UXS1: variants seen among roughly 807,000 people sequenced by gnomAD.
The protein encoded by UXS1 is UDP-glucuronate decarboxylase 1.
UXS1 carries 33 observed loss-of-function variants against 62.6 expected under a neutral mutation model. That is an observed-to-expected ratio of 0.53 (90% CI 0.40 to 0.70). The LOEUF (loss-of-function observed/expected upper bound fraction) is 0.70. Among genes scored for constraint, UXS1 ranks in the 30% least tolerant of loss-of-function variants. The pLI is 0.00. For synonymous variants in UXS1, 213 were observed against 206.8 expected (o/e 1.03, Z -0.26); for missense variants, 434 against 556.3 (o/e 0.78, Z 2.21).
chr2:106,144,470 G>A (rs1681393813), intron 6 of UXS1, among the ~76,000 whole-genome samples: 1 of 152,008 alleles, frequency 6.6e-6, no homozygotes. Context: ...TGCCTTTGTG[G>A]GAAAAATGCT....
chr2:106,119,735 A>G (rs527382424), intron 9 of UXS1, among the ~76,000 whole-genome samples: 1 of 152,266 alleles, frequency 6.6e-6, no homozygotes, highest in African/African-American at 2.4e-5. Flanking sequence ...TAGAGGGCAG[A>G]CCCAATGTGG....
At chr2:106,097,444 C>A (rs1044305973) in intron 13 of UXS1, 2 of 345,550 alleles carry the variant, frequency 5.8e-6, no homozygotes, top group Non-Finnish European at 1.2e-5. Flanking sequence ...TCCCTGCCTC[C>A]GTGTCATGGA....
At chr2:106,157,062 A>G (rs1682491591) in intron 5 of UXS1, among the ~76,000 whole-genome samples, 1 of 152,212 alleles carries the variant, frequency 6.6e-6, no homozygotes, top group Admixed American at 6.5e-5. Flanking sequence ...TGGACAAAAA[A>G]CAGATTAGTG....
intron 10 of UXS1, among the ~76,000 whole-genome samples, chr2:106,107,517 A>C (rs749469001): frequency 3.3e-5 from 5 of 152,166 alleles, no homozygotes; most frequent in Non-Finnish European, 5.9e-5. Context: ...AAGCCCCCCG[A>C]CCGGGATGGG....
chr2:106,112,659 C>A lies in UXS1; in HGVS notation c.866G>T (p.Gly289Val). 1 of 1,613,940 alleles carries A rather than the reference C, an allele frequency of 6.2e-7. No homozygotes were observed. The highest frequency in any genetic ancestry group is 1.1e-5 in the South Asian group (1 of 91,066). Residue 289 changes from glycine to valine, a missense_variant, in exon 10 of 15, where the codon GGG (glycine) becomes GTG (valine). Physicochemically the swap from Gly to Val is moderately radical, Grantham distance 109. This residue lies in a region of UXS1 where 209 missense variants were observed against 233.3 expected (regional missense o/e 0.90). Coordinates refer to ENST00000283148, the MANE Select transcript of UXS1 (RefSeq NM_001253875.2). ...VSNFILQALQGEPLTVYGSGS... is the reference protein window; with the variant it reads ...VSNFILQALQVEPLTVYGSGS... ...GCCAGCACCTACCGTGAGTGGCTCC[C>A]CCTGGAGCGCCTGCAGGATGAAGTT...
chr2:106,180,447 T>C (rs1050901201), intron 1 of UXS1, among the ~76,000 whole-genome samples: 1 of 152,216 alleles, frequency 6.6e-6, no homozygotes, highest in Non-Finnish European at 1.5e-5. Context: ...AACTTAGGAT[T>C]TGGCTGCAAA....
intron 1 of UXS1, among the ~76,000 whole-genome samples, chr2:106,180,482 A>G (rs903947554): frequency 6.6e-6 from 1 of 152,226 alleles, no homozygotes; most frequent in African/African-American, 2.4e-5. Flanking sequence ...AAAGCTCTGC[A>G]ATAAGTATTT....
chr2:106,098,786 C>T lies in UXS1; in HGVS notation c.985-13G>A, dbSNP rs1558670846. On this transcript the variant is annotated splice_polypyrimidine_tract_variant and intron_variant, in intron 12 of 14. Transcript: ENST00000283148. ...CTTCTGGGTTCCCCTAAGAAAGAAA[C>T]GGTTTCCAGTTATAAGCGTCATGAC... 1.9e-5 allele frequency: 31 copies of T among 1,608,720 alleles called. No homozygotes were observed. Among genetic ancestry groups the T allele is most frequent in the East Asian group, 2.2e-5 (1 of 44,720 alleles).
At chr2:106,175,000 A>G (rs980411167) in intron 1 of UXS1, among the ~76,000 whole-genome samples, 1 of 152,118 alleles carries the variant, frequency 6.6e-6, no homozygotes, top group African/African-American at 2.4e-5. Flanking sequence ...CTAATCCCCC[A>G]TCCTCAATGC....
At chr2:106,185,839 G>A (rs79881917) in intron 1 of UXS1, among the ~76,000 whole-genome samples, 3,266 of 152,316 alleles carry the variant, frequency 0.021, 49 homozygotes, top group Admixed American at 0.052. Flanking sequence ...AGAGGCTGGA[G>A]CAGTGCAGGC....
Position 106,127,497 on chromosome 2 carries a change from T to C in UXS1, c.578-1818A>G, listed in dbSNP as rs189200460. ...CTATTTCTGTAGCACTTTCATGGAA[T>C]GACTCACGCAGGATCTACAGAGACA... On this transcript the variant is annotated intron_variant, in intron 7 of 14. Transcript: ENST00000283148. Among the ~76,000 whole-genome samples, 548 of 152,336 alleles carry C rather than the reference T, an allele frequency of 3.6e-3. 21 individuals are homozygous for C. Among genetic ancestry groups the C allele is most frequent in the Admixed American group, 0.032 (489 of 15,304 alleles).
intron 6 of UXS1, among the ~76,000 whole-genome samples, chr2:106,136,355 G>T (rs1394196600): frequency 1.3e-5 from 2 of 148,934 alleles, no homozygotes; most frequent in African/African-American, 5.0e-5. Context: ...TCAGTGTGGC[G>T]ATTCCTCAGG....
chr2:106,163,905 T>C (rs1414030342), intron 3 of UXS1, among the ~76,000 whole-genome samples, 195 bp from the exon 4 acceptor site: 1 of 152,204 alleles, frequency 6.6e-6, no homozygotes, highest in Non-Finnish European at 1.5e-5. Context: ...TTTGAACTCT[T>C]ACTCCATAAA....
chr2:106,184,632 C>A (rs1410042373), intron 1 of UXS1, among the ~76,000 whole-genome samples: 13 of 152,186 alleles, frequency 8.5e-5, no homozygotes, highest in Admixed American at 8.5e-4. Context: ...GAGGAATGAA[C>A]TCCCTTGGGC....
intron 13 of UXS1, chr2:106,097,317 G>T: frequency 2.4e-6 from 1 of 422,910 alleles, no homozygotes; most frequent in Non-Finnish European, 4.8e-6. Context: ...CCTCTCGGAG[G>T]ACGGCAAAGG....
At chr2:106,163,457 G>A (rs1370935534) in intron 4 of UXS1, among the ~76,000 whole-genome samples, 10 of 152,204 alleles carry the variant, frequency 6.6e-5, no homozygotes, top group African/African-American at 9.6e-5. Flanking sequence ...CAGAAATTCA[G>A]ACGTTCAGAG....
At chr2:106,185,970 G>A (rs1025961398) in intron 1 of UXS1, among the ~76,000 whole-genome samples, 4 of 152,058 alleles carry the variant, frequency 2.6e-5, no homozygotes, top group Non-Finnish European at 5.9e-5. Context: ...TTGTTTCAAA[G>A]GCACCTAATT....
chr2:106,178,862 C>A (rs1382421935), intron 1 of UXS1, among the ~76,000 whole-genome samples: 3 of 151,936 alleles, frequency 2.0e-5, no homozygotes, highest in Non-Finnish European at 4.4e-5. Context: ...CCACAGAATG[C>A]CTTCCAGCTT....
intron 6 of UXS1, among the ~76,000 whole-genome samples, chr2:106,136,891 A>G (rs1680678930): frequency 7.5e-6 from 1 of 133,822 alleles, no homozygotes; most frequent in Non-Finnish European, 1.6e-5. Context: ...GTGCACATGT[A>G]CCCTAAAACT....
Sources: allele counts gnomAD v4.1 joint callset (sites outside exome capture counted in the v4.1 genomes callset), GRCh38; gene constraint gnomAD v4.1.1; regional missense constraint gnomAD v4.1.1; transcripts MANE v1.5; gene names NCBI Gene and HGNC (gene_info 2026-07-23, HGNC 2026-07-21).